Variants in CHERP observed in about 807,000 individuals in gnomAD.
CHERP encodes the protein ERPROT 213-21.
Under a neutral mutation model 113.8 loss-of-function variants are expected in CHERP, and 8 were observed. The ratio of observed to expected loss-of-function variants is 0.07; its 90% CI spans 0.04 to 0.13. The LOEUF is 0.13. CHERP is among the 10% of genes least tolerant of loss of function. The pLI is 1.00. For missense variants in CHERP, 884 were observed against 1,298.2 expected, an observed-to-expected ratio of 0.68 and a Z score of 4.90; for synonymous variants, 559 against 524.5, an observed-to-expected ratio of 1.07 and a Z score of -0.90.
Position 16,523,377 on chromosome 19 carries a change from G to T in CHERP, c.1742-87C>A. On this transcript the variant is annotated intron_variant, in intron 10 of 16. Coordinates refer to ENST00000546361, the MANE Select transcript of CHERP (RefSeq NM_006387.6). This position sits in a 1 kb window ranked among gnomAD's most constrained non-coding sequence, Gnocchi z 4.0. ...CTGGAGGGGAGGGGCTCAGTGAAGG[G>T]CCAGGAGACGAACCCCTCCTGGGAG... 1 of 1,484,382 alleles carries T rather than the reference G, an allele frequency of 6.7e-7. No homozygotes were observed. The highest frequency in any genetic ancestry group is 9.2e-7 in the Non-Finnish European group (1 of 1,088,452). The allele number at this position is 1,484,382 out of a possible 1,614,324, so 92.0% of individuals were successfully genotyped here. A position where few individuals can be genotyped will look rare whatever the true frequency, so the allele number is the denominator to read the frequency against.
At position 16,523,182 on chromosome 19, in the gene CHERP, T is replaced by TG. The variant is rs757443115; in HGVS notation, c.1849dup (p.His617ProfsTer22). The TG allele has an allele frequency of 5.1e-6, 8 of 1,568,982 alleles. No homozygotes were observed. Among genetic ancestry groups the TG allele is most frequent in the African/African-American group, 2.8e-5 (2 of 71,300 alleles). ...GTGTGGGGGCTGCCCGTTGAAGCCATGGGGGGGAGGGCCGAAGTCAGGGTG... is the reference window on the plus strand; with the variant it reads ...GTGTGGGGGCTGCCCGTTGAAGCCATGGGGGGGGAGGGCCGAAGTCAGGGTG... On this transcript the variant is annotated frameshift_variant, in exon 11 of 17. Coordinates refer to ENST00000546361, the MANE Select transcript of CHERP (RefSeq NM_006387.6). LOFTEE classifies it high-confidence loss of function. This position sits in a 1 kb window ranked among gnomAD's most constrained non-coding sequence, Gnocchi z 4.0.
Position 16,532,843 on chromosome 19 carries a change from A to C in CHERP, c.523-94T>G. ...GAGCGCGTCACCATCAGCTCAGGGA[A>C]GGACACACCATGAGCGTGGGGGGCA... is the stretch of plus-strand genomic sequence containing the variant. On this transcript the variant is annotated intron_variant, in intron 4 of 16. Transcript: ENST00000546361. The surrounding 1 kb of genome is among the most constrained non-coding windows in gnomAD (Gnocchi z 4.4). 1 of 1,549,782 alleles carries C rather than the reference A, an allele frequency of 6.5e-7. No homozygotes were observed. Among genetic ancestry groups the C allele is most frequent in the Non-Finnish European group, 8.8e-7 (1 of 1,142,764 alleles).
At chr19:16,522,263 C>G (rs1226140559) in intron 11 of CHERP, among the ~76,000 whole-genome samples, 5 of 151,582 alleles carry the variant, frequency 3.3e-5, no homozygotes, top group Non-Finnish European at 7.4e-5. Flanking sequence ...CTCCCCAACC[C>G]CCCCTTTTTT....
chr19:16,524,292 C>G (rs777069174), intron 10 of CHERP, among the ~76,000 whole-genome samples: 6 of 152,028 alleles, frequency 3.9e-5, no homozygotes, highest in Non-Finnish European at 8.8e-5. Context: ...AGGTGGCTCA[C>G]ACCTTTCATC....
rs2085584963 is a variant in CHERP at position 16,519,392 on chromosome 19, G to A, written c.2558-40C>T. 1 of 1,584,706 alleles carries A rather than the reference G, an allele frequency of 6.3e-7. No individual in the cohort carries two copies. Among genetic ancestry groups the A allele is most frequent in the Non-Finnish European group, 8.6e-7 (1 of 1,163,622 alleles). On this transcript the variant is annotated intron_variant, in intron 16 of 16. Coordinates refer to ENST00000546361, the MANE Select transcript of CHERP (RefSeq NM_006387.6). The surrounding 1 kb of genome is among the most constrained non-coding windows in gnomAD (Gnocchi z 6.0). The stretch of plus-strand genomic sequence containing the variant: ...GCAGTCACAACCACAACAAGGCGGA[G>A]GCAGATGGGGGTGCACGTGGGGGGC...
chr19:16,542,130 G>C, intron 1 of CHERP, 87 bp from the exon 2 acceptor site: 2 of 1,448,746 alleles, frequency 1.4e-6, no homozygotes, highest in South Asian at 1.4e-5. Context: ...CGTCCGCCTT[G>C]CCGGGGACCC....
chr19:16,530,679 C>T lies in CHERP; in HGVS notation c.787-5G>A, dbSNP rs756715334. On this transcript the variant is annotated splice_region_variant and splice_polypyrimidine_tract_variant and intron_variant, in intron 6 of 16. Transcript: ENST00000546361. The surrounding 1 kb of genome is among the most constrained non-coding windows in gnomAD (Gnocchi z 4.1). ...TTTCTCCCAGAGCTGCAGGAGCTGG[C>T]GGTGGGAGGAGAGAGAGGCCGGGTC... is the stretch of plus-strand genomic sequence containing the variant. 29 of 1,613,808 alleles carry T rather than the reference C, an allele frequency of 1.8e-5. No individual in the cohort carries two copies. The East Asian group carries it at 3.3e-4, about 19-fold the overall frequency.
chr19:16,522,939 A>G, intron 11 of CHERP, 113 bp downstream of exon 11: 1 of 1,246,192 alleles, frequency 8.0e-7, no homozygotes, highest in Non-Finnish European at 1.1e-6. Context: ...AGGGAGTGGG[A>G]GATGAAGGGG....
Position 16,519,901 on chromosome 19 carries a change from C to T in CHERP, c.2463-186G>A. On this transcript the variant is annotated intron_variant, in intron 15 of 16. Transcript: ENST00000546361. This position sits in a 1 kb window ranked among gnomAD's most constrained non-coding sequence, Gnocchi z 6.0. ...AGATAAGGGGGCTCCAGACGCTGGCCCCCACCCCACGCTCAGCATTGAGAG... is the reference window on the plus strand; with the variant it reads ...AGATAAGGGGGCTCCAGACGCTGGCTCCCACCCCACGCTCAGCATTGAGAG... 1 of 669,188 alleles carries T rather than the reference C, an allele frequency of 1.5e-6. No individual in the cohort carries two copies. Among genetic ancestry groups the T allele is most frequent in the Non-Finnish European group, 2.6e-6 (1 of 384,388 alleles). The allele number at this position is 669,188 out of a possible 1,614,324, so 41.5% of individuals were successfully genotyped here. A position where few individuals can be genotyped will look rare whatever the true frequency, so the allele number is the denominator to read the frequency against.
At position 16,518,947 on chromosome 19, in the gene CHERP, G is replaced by A. The variant is rs2085577269; in HGVS notation, c.*212C>T. On this transcript the variant is annotated 3_prime_UTR_variant, in exon 17 of 17. Transcript: ENST00000546361. ...GGCCCTGGTGGCTGCAGCGCCTCCT[G>A]GTGTGGTTTGTGGGTGGCACCCGTG... The A allele has an allele frequency of 5.1e-6, 3 of 584,002 alleles. No homozygotes were observed. The South Asian group carries it at 6.6e-5, about 13-fold the overall frequency. 36.2% of individuals were successfully genotyped at this position (584,002 alleles called of 1,614,324 possible). A position where few individuals can be genotyped will look rare whatever the true frequency, so the allele number is the denominator to read the frequency against.
intron 2 of CHERP, among the ~76,000 whole-genome samples, chr19:16,536,097 C>G (rs911174687): frequency 6.6e-6 from 1 of 152,200 alleles, no homozygotes; most frequent in Non-Finnish European, 1.5e-5. Flanking sequence ...CACCGGGCCT[C>G]TGCACATCTG....
At chr19:16,540,324 C>T (rs8112838) in intron 2 of CHERP, among the ~76,000 whole-genome samples, 5,937 of 151,988 alleles carry the variant, frequency 0.039, 159 homozygotes, top group African/African-American at 0.078. Flanking sequence ...GACTCAGCCT[C>T]CTAAAGTGCT....
At position 16,542,219 on chromosome 19, in the gene CHERP, C is replaced by T. The variant is rs142235772; in HGVS notation, c.25+135G>A. ...CACGCTCGCCGGGAATGCGGGGACCCACGGGAGAGGCCGCAGGCGAAGCCG... is the reference window on the plus strand; with the variant it reads ...CACGCTCGCCGGGAATGCGGGGACCTACGGGAGAGGCCGCAGGCGAAGCCG... On this transcript the variant is annotated intron_variant, in intron 1 of 16. Coordinates refer to ENST00000546361, the MANE Select transcript of CHERP (RefSeq NM_006387.6). 5.1e-5 allele frequency: 56 copies of T among 1,088,272 alleles called. No homozygotes were observed. The East Asian group carries it at 1.7e-3, about 32-fold the overall frequency. The allele number at this position is 1,088,272 out of a possible 1,614,324, so 67.4% of individuals were successfully genotyped here.
chr19:16,520,714 T>G lies in CHERP; in HGVS notation c.2201+112A>C. 8.2e-7 allele frequency: 1 copy of G among 1,221,154 alleles called. No individual in the cohort carries two copies. The highest frequency in any genetic ancestry group is 1.7e-5 in the Admixed American group (1 of 58,104). The allele number at this position is 1,221,154 out of a possible 1,614,324, so 75.6% of individuals were successfully genotyped here. ...AGGCCTTGTGGAAAACACCGCCCCA[T>G]AGGCACAGGCTGTGTGAGGGTGGAC... On this transcript the variant is annotated intron_variant, in intron 13 of 16. Coordinates refer to ENST00000546361, the MANE Select transcript of CHERP (RefSeq NM_006387.6). The surrounding 1 kb of genome is among the most constrained non-coding windows in gnomAD (Gnocchi z 4.0).
intron 2 of CHERP, among the ~76,000 whole-genome samples, chr19:16,537,226 C>G (rs113702125): frequency 4.6e-5 from 7 of 151,426 alleles, no homozygotes; most frequent in African/African-American, 1.7e-4. Flanking sequence ...CTCAGCCCCC[C>G]GGGCCTGTCG....
Position 16,520,633 on chromosome 19 carries a change from C to G in CHERP, c.2202-126G>C. Reference sequence around the variant, plus strand: ...GGCTGTGGATGTGGCGCCATAGCCACAGCAACGGTACCAAGTTCCTAAATA... The same window carrying G: ...GGCTGTGGATGTGGCGCCATAGCCAGAGCAACGGTACCAAGTTCCTAAATA... On this transcript the variant is annotated intron_variant, in intron 13 of 16. Transcript: ENST00000546361. This position sits in a 1 kb window ranked among gnomAD's most constrained non-coding sequence, Gnocchi z 4.0. The G allele has an allele frequency of 2.4e-6, 3 of 1,243,664 alleles. No homozygotes were observed. Among genetic ancestry groups the G allele is most frequent in the Non-Finnish European group, 3.4e-6 (3 of 878,466 alleles). The allele number at this position is 1,243,664 out of a possible 1,614,324, so 77.0% of individuals were successfully genotyped here. A position where few individuals can be genotyped will look rare whatever the true frequency, so the allele number is the denominator to read the frequency against.
chr19:16,529,832 C>A lies in CHERP; in HGVS notation c.945G>T (p.Gln315His), dbSNP rs781619096. The change falls in exon 8 of 17, where the codon CAG (glutamine) becomes CAT (histidine). Residue 315 changes from glutamine (Q) to histidine (H), a missense_variant. Physicochemically the swap from Gln to His is conservative, Grantham distance 24. Coordinates refer to ENST00000546361, the MANE Select transcript of CHERP (RefSeq NM_006387.6). ...PVQLAFQQQI[Q>H]TLKTQHEEFV... ...ACTCCTCGTGCTGCGTCTTGAGGGT[C>A]TGGATCTGCTGCTGGAAGGCCAGCT... 4 of 1,613,832 alleles carry A rather than the reference C, an allele frequency of 2.5e-6. No individual in the cohort carries two copies. In the East Asian group the frequency reaches 6.7e-5, roughly 27 times the overall value.
chr19:16,519,188 G>A lies in CHERP; in HGVS notation c.2722C>T (p.Arg908Cys), dbSNP rs370857958. Residue 908 changes from arginine (R) to cysteine (C), a missense_variant, in exon 17 of 17, where the codon CGC becomes TGC. Physicochemically the swap from Arg to Cys is radical, Grantham distance 180. Coordinates refer to ENST00000546361, the MANE Select transcript of CHERP (RefSeq NM_006387.6). This position sits in a 1 kb window ranked among gnomAD's most constrained non-coding sequence, Gnocchi z 6.0. Reference sequence around the variant, plus strand: ...TTACACTCGTCCCTGGCCTTCATGCGGGCGATGAAGGAGTAGCTCTTGTTC... The same window carrying A: ...TTACACTCGTCCCTGGCCTTCATGCAGGCGATGAAGGAGTAGCTCTTGTTC... ...RRNKSYSFIA[R>C]MKARDECK The A allele has an allele frequency of 1.2e-6, 2 of 1,613,728 alleles. No individual in the cohort carries two copies. Among genetic ancestry groups the A allele is most frequent in the Non-Finnish European group, 1.7e-6 (2 of 1,179,976 alleles).
Position 16,532,814 on chromosome 19 carries a change from C to T in CHERP, c.523-65G>A. On this transcript the variant is annotated intron_variant, in intron 4 of 16. Transcript: ENST00000546361. The surrounding 1 kb of genome is among the most constrained non-coding windows in gnomAD (Gnocchi z 4.4). ...GCTCCCCCAGGCACCCACTGCATCC[C>T]TGAGAGCGCGTCACCATCAGCTCAG... 1 of 1,565,266 alleles carries T rather than the reference C, an allele frequency of 6.4e-7. No homozygotes were observed. The highest frequency in any genetic ancestry group is 2.3e-5 in the East Asian group (1 of 44,286).
Sources: gnomAD v4.1 joint callset for allele counts (sites outside exome capture counted in the v4.1 genomes callset) on GRCh38, gnomAD v4.1.1 for gene constraint, Gnocchi (gnomAD v3.1) non-coding constraint, MANE v1.5 for transcripts, NCBI Gene and HGNC (gene_info 2026-07-23, HGNC 2026-07-21) for gene names.